DSE: variants seen among roughly 807,000 people sequenced by gnomAD.
DSE encodes the protein dermatan sulfate epimerase, also known as dermatan-sulfate epimerase.
A neutral mutation model predicts 84.4 loss-of-function variants in DSE; 36 were observed. The observed-to-expected ratio is 0.43, with a 90% confidence interval of 0.33 to 0.56. The LOEUF is 0.56. Ranked by LOEUF, DSE falls within the 20% of genes least tolerant of loss-of-function variation. The pLI, the probability that DSE is intolerant of heterozygous loss-of-function variation, is 0.06. For missense variants in DSE, 862 were observed against 1,169.6 expected, an observed-to-expected ratio of 0.74 and a Z score of 3.84; for synonymous variants, 410 against 430.1, an observed-to-expected ratio of 0.95 and a Z score of 0.58.
chr6:116,322,103 G>A (rs1374613043), intron 2 of DSE, among the ~76,000 whole-genome samples: 2 of 151,912 alleles, frequency 1.3e-5, no homozygotes, highest in East Asian at 1.9e-4. Context: ...TGAGAGGGAC[G>A]TGATTGATTG....
At chr6:116,375,588 A>G (rs1343905466) in intron 1 of DSE, 6 of 979,026 alleles carry the variant, frequency 6.1e-6, no homozygotes, top group Non-Finnish European at 7.3e-6. Flanking sequence ...CTAGTTATGT[A>G]TAGAAGAGTG....
chr6:116,295,398 C>T (rs967930993), intron 2 of DSE, among the ~76,000 whole-genome samples: 4 of 152,076 alleles, frequency 2.6e-5, no homozygotes, highest in African/African-American at 9.7e-5. Context: ...CTGACTACAT[C>T]CATTGATTTT....
In DSE at chr6:116,318,935, A is replaced by C. The variant is rs938675005; in HGVS notation, c.-54+59968A>C. Among the ~76,000 whole-genome samples, 8 of 152,162 alleles carry C rather than the reference A, an allele frequency of 5.3e-5. No individual in the cohort carries two copies. In the South Asian group the frequency reaches 1.4e-3, roughly 28 times the overall value. On this transcript the variant is annotated intron_variant, in intron 2 of 3. Coordinates refer to the DSE transcript ENST00000430252. Reference sequence around the variant, plus strand: ...GTTTACATATGATTTAAAGATGACTAAAATAGAGGACAGAATGCCCAAAAC... The same window carrying C: ...GTTTACATATGATTTAAAGATGACTCAAATAGAGGACAGAATGCCCAAAAC...
chr6:116,283,326 C>T (rs1773658086), intron 2 of DSE, among the ~76,000 whole-genome samples: 1 of 152,182 alleles, frequency 6.6e-6, no homozygotes, highest in Admixed American at 6.5e-5. Flanking sequence ...ATCTTCCTCA[C>T]CTGAATTCCT....
intron 2 of DSE, among the ~76,000 whole-genome samples, chr6:116,294,204 G>A (rs1774503872): frequency 6.6e-6 from 1 of 151,392 alleles, no homozygotes; most frequent in Admixed American, 6.6e-5. Context: ...TTAATTTTTT[G>A]TAGAGATGAG....
At chr6:116,363,981 G>A (rs574143639) in intron 2 of DSE, among the ~76,000 whole-genome samples, 271 of 152,308 alleles carry the variant, frequency 1.8e-3, no homozygotes, top group African/African-American at 6.1e-3. Context: ...ATCTGGCTAG[G>A]AATCAGGAGG....
chr6:116,421,184 A>G (rs571362537), intron 2 of DSE, among the ~76,000 whole-genome samples: 1 of 152,060 alleles, frequency 6.6e-6, no homozygotes, highest in Non-Finnish European at 1.5e-5. Context: ...AATTTATTTC[A>G]TATAAATTCA....
At chr6:116,414,644 T>A (rs1417885177) in intron 2 of DSE, among the ~76,000 whole-genome samples, 1 of 152,196 alleles carries the variant, frequency 6.6e-6, no homozygotes, top group Non-Finnish European at 1.5e-5. Flanking sequence ...ACTCCCGACC[T>A]CAGGTGATCC....
At chr6:116,282,337 T>C (rs902274109) in intron 2 of DSE, among the ~76,000 whole-genome samples, 8 of 152,268 alleles carry the variant, frequency 5.3e-5, no homozygotes, top group African/African-American at 1.7e-4. Flanking sequence ...TGGAAACTTC[T>C]ATTATTCCAA....
chr6:116,417,689 A>G (rs6924212), intron 2 of DSE, among the ~76,000 whole-genome samples: 2,348 of 152,266 alleles, frequency 0.015, 53 homozygotes, highest in African/African-American at 0.054. Context: ...TTCAGAGCTA[A>G]TAAGTTATTT....
chr6:116,399,912 G>T, intron 2 of DSE: 2 of 486,016 alleles, frequency 4.1e-6, no homozygotes, highest in Middle Eastern at 5.5e-4. Context: ...AAAATAATTT[G>T]CTGAATTGAG....
At chr6:116,335,476 A>G (rs1385329277) in intron 2 of DSE, among the ~76,000 whole-genome samples, 1 of 152,212 alleles carries the variant, frequency 6.6e-6, no homozygotes, top group Admixed American at 6.5e-5. Context: ...AACCCCCATG[A>G]CATGTTTACC....
chr6:116,353,112 G>A (rs1778400000), intron 2 of DSE, among the ~76,000 whole-genome samples: 1 of 152,060 alleles, frequency 6.6e-6, no homozygotes, highest in South Asian at 2.1e-4. Context: ...TAAAATCTAG[G>A]TCTTTACTAA....
intron 1 of DSE, among the ~76,000 whole-genome samples, chr6:116,389,842 T>G (rs983336087): frequency 2.0e-5 from 3 of 152,154 alleles, no homozygotes; most frequent in Non-Finnish European, 4.4e-5. Flanking sequence ...AAAAATATAT[T>G]GCAAATTTTC....
intron 2 of DSE, chr6:116,279,437 G>C (rs1009968653): frequency 2.0e-5 from 32 of 1,613,420 alleles, no homozygotes; most frequent in Non-Finnish European, 2.7e-5. Context: ...CAGATTTCTA[G>C]GGCCTTCTCT....
intron 2 of DSE, among the ~76,000 whole-genome samples, chr6:116,309,906 A>T (rs9488896): frequency 0.023 from 3,546 of 152,292 alleles, 142 homozygotes; most frequent in African/African-American, 0.08. Context: ...CTCATCTTCC[A>T]GTACTGTTGT....
rs771836811 is a variant in DSE, at chr6:116,279,256, ACCT to A, written c.-54+20292_-54+20294del. The A allele has an allele frequency of 4.6e-5, 74 of 1,606,508 alleles. No individual in the cohort carries two copies. In the Admixed American group the frequency reaches 1.2e-3, roughly 27 times the overall value. ...TTCACCTTCTGGCGGCTGCTCCTCT[ACCT>A]CCATCTGCTCCTCCATTACCTCCTT... On this transcript the variant is annotated intron_variant, in intron 2 of 3. Coordinates refer to the DSE transcript ENST00000430252.
chr6:116,279,906 G>T, intron 2 of DSE: 2 of 1,588,670 alleles, frequency 1.3e-6, no homozygotes, highest in South Asian at 1.1e-5. Context: ...ACCGCCGCTC[G>T]CACCGCCCAC....
In DSE at chr6:116,378,353, A is replaced by G. The variant is rs574391014; in HGVS notation, c.-54+7232A>G. 1.1e-3 allele frequency among the ~76,000 whole-genome samples: 162 copies of G among 152,322 alleles called. 1 individual carries two copies. In the South Asian group the frequency reaches 0.033, roughly 31 times the overall value. On this transcript the variant is annotated intron_variant, in intron 1 of 5. Transcript: ENST00000644252. ...TCTAATTTATGACTTCTGCTTATTTAAAGTTGAAAATCTTAGAAATTAGAA... is the reference window on the plus strand; with the variant it reads ...TCTAATTTATGACTTCTGCTTATTTGAAGTTGAAAATCTTAGAAATTAGAA...
Sources: gnomAD v4.1 joint callset for allele counts (sites outside exome capture counted in the v4.1 genomes callset) on GRCh38, gnomAD v4.1.1 for gene constraint, MANE v1.5 for transcripts, NCBI Gene and HGNC (gene_info 2026-07-23, HGNC 2026-07-21) for gene names.